Variants in KCNN3 observed in about 807,000 individuals in gnomAD.
KCNN3 encodes small conductance calcium-activated potassium channel protein 3.
In KCNN3, 16 loss-of-function variants were observed where a neutral mutation model predicts 62.9. That is an observed-to-expected ratio of 0.25 (90% CI 0.17 to 0.39). KCNN3 has a LOEUF of 0.39. Among genes scored for constraint, KCNN3 ranks in the 10% least tolerant of loss-of-function variants. KCNN3 has a pLI of 1.00. For synonymous variants in KCNN3, 370 were observed against 389.2 expected, an observed-to-expected ratio of 0.95 and a Z score of 0.58; for missense variants, 599 against 949.4, an observed-to-expected ratio of 0.63 and a Z score of 4.85.
At chr1:154,751,377 G>A (rs1005944019) in intron 3 of KCNN3, among the ~76,000 whole-genome samples, 1 of 152,302 alleles carries the variant, frequency 6.6e-6, no homozygotes, top group African/African-American at 2.4e-5. Context: ...CAAAAGCCAG[G>A]TGTCTTTCCA....
chr1:154,837,591 A>G (rs984631416), intron 1 of KCNN3, among the ~76,000 whole-genome samples: 6 of 152,028 alleles, frequency 3.9e-5, no homozygotes, highest in Non-Finnish European at 7.4e-5. Context: ...ATGGGGGAAA[A>G]CCTGGCTTTC....
intron 1 of KCNN3, among the ~76,000 whole-genome samples, chr1:154,848,514 CA>C (rs35282563): frequency 6.6e-6 from 1 of 152,252 alleles, no homozygotes; most frequent in South Asian, 2.1e-4. Context: ...TGCCTTTAGA[CA>C]AAAGTGCAAA....
At chr1:154,735,569 C>T (rs1700696182) in intron 3 of KCNN3, among the ~76,000 whole-genome samples, 1 of 152,156 alleles carries the variant, frequency 6.6e-6, no homozygotes, top group African/African-American at 2.4e-5. Context: ...GCTGGGCCTG[C>T]CTTTGCTCCC....
At chr1:154,823,028 T>C (rs2101895336) in intron 1 of KCNN3, among the ~76,000 whole-genome samples, 1 of 152,314 alleles carries the variant, frequency 6.6e-6, no homozygotes, top group Non-Finnish European at 1.5e-5. Flanking sequence ...CTGTGTCAGA[T>C]GGAGATAATA....
Position 154,869,207 on chromosome 1 carries a change from G to C in KCNN3, c.758C>G (p.Thr253Ser). The stretch of plus-strand genomic sequence containing the variant: ...CCGCTTGTTGGCTTTGGGGAAGGTG[G>C]TGCTGCTGGCGGTGGTGCCGGCATG... ...HQHAGTTASS[T>S]TFPKANKRKN... The change falls in exon 1 of 8, where the codon ACC becomes AGC. Residue 253 changes from threonine to serine, a missense_variant. Thr to Ser is a moderately conservative substitution (Grantham distance 58). Transcript: ENST00000271915. This position sits in a 1 kb window ranked among gnomAD's most constrained non-coding sequence, Gnocchi z 6.1. The C allele has an allele frequency of 6.2e-7, 1 of 1,614,152 alleles. No individual in the cohort carries two copies.
rs985002167 is a variant in KCNN3, at chr1:154,862,728, G to A, written c.933+6304C>T. 6.6e-6 allele frequency among the ~76,000 whole-genome samples: 1 copy of A among 151,974 alleles called. No individual in the cohort carries two copies. ...ACCTGGGGTGCCCACACTTGCCCTG[G>A]CCACCCCTCCAGCACTGTCTTCTCC... is the stretch of plus-strand genomic sequence containing the variant. On this transcript the variant is annotated intron_variant, in intron 1 of 7. Coordinates refer to ENST00000271915, the MANE Select transcript of KCNN3 (RefSeq NM_002249.6). The surrounding 1 kb of genome is among the most constrained non-coding windows in gnomAD (Gnocchi z 4.1).
intron 3 of KCNN3, among the ~76,000 whole-genome samples, chr1:154,743,431 G>A (rs1448912453): frequency 6.6e-6 from 1 of 152,140 alleles, no homozygotes; most frequent in Non-Finnish European, 1.5e-5. Context: ...CAACCTGGGG[G>A]CCTCTCTGAG....
intron 2 of KCNN3, among the ~76,000 whole-genome samples, chr1:154,798,249 G>A (rs1557981639): frequency 6.6e-6 from 1 of 152,270 alleles, no homozygotes; most frequent in East Asian, 1.9e-4. Context: ...CAGGAAGAAA[G>A]GAAGGACAGA....
intron 7 of KCNN3, among the ~76,000 whole-genome samples, chr1:154,710,192 T>C (rs1007505864): frequency 6.6e-6 from 1 of 152,302 alleles, no homozygotes; most frequent in African/African-American, 2.4e-5. Flanking sequence ...TGCCATATTC[T>C]TAATTTAGAG....
chr1:154,807,469 G>A (rs903612483), intron 2 of KCNN3, among the ~76,000 whole-genome samples: 5 of 152,146 alleles, frequency 3.3e-5, no homozygotes, highest in Admixed American at 6.5e-5. Flanking sequence ...CTGCTGCTGC[G>A]GGTGACAGCC....
chr1:154,761,152 T>TA (rs11455309), intron 3 of KCNN3, among the ~76,000 whole-genome samples: 125,565 of 152,178 alleles, frequency 0.83, 52,215 homozygotes, highest in Middle Eastern at 0.91. Flanking sequence ...TAAAAAGTAA[T>TA]AAAAAATCAC....
intron 1 of KCNN3, among the ~76,000 whole-genome samples, chr1:154,848,971 G>A (rs76073862): frequency 0.042 from 6,454 of 152,216 alleles, 476 homozygotes; most frequent in African/African-American, 0.15. Flanking sequence ...AAAGTTTGCC[G>A]AGTAGAATGT....
At position 154,804,851 on chromosome 1, in the gene KCNN3, C is replaced by T. The variant is rs6685549; in HGVS notation, c.1029+17238G>A. On this transcript the variant is annotated intron_variant, in intron 2 of 7. Coordinates refer to ENST00000271915, the MANE Select transcript of KCNN3 (RefSeq NM_002249.6). ...AGCTCAGTCAGGAACTGGCAGGGTT[C>T]GGCTTTGCACCCAGGCAGTCTGGCT... is the stretch of plus-strand genomic sequence containing the variant. Among the ~76,000 whole-genome samples the T allele has an allele frequency of 5.3e-3, 802 of 152,260 alleles. 6 individuals are homozygous for T. Among genetic ancestry groups the T allele is most frequent in the African/African-American group, 0.018 (755 of 41,554 alleles).
intron 7 of KCNN3, among the ~76,000 whole-genome samples, chr1:154,710,658 T>G (rs1006177656): frequency 2.0e-5 from 3 of 152,180 alleles, no homozygotes; most frequent in Non-Finnish European, 2.9e-5. Flanking sequence ...GCTTGAAAGT[T>G]TGGTTTGCCC....
intron 3 of KCNN3, among the ~76,000 whole-genome samples, chr1:154,751,800 C>G (rs1161531194): frequency 6.6e-6 from 1 of 152,134 alleles, no homozygotes; most frequent in Non-Finnish European, 1.5e-5. Context: ...TACACGTTGC[C>G]AGGCAACAAA....
intron 7 of KCNN3, among the ~76,000 whole-genome samples, chr1:154,708,756 C>T (rs1210358822): frequency 2.0e-5 from 3 of 152,100 alleles, no homozygotes; most frequent in Non-Finnish European, 4.4e-5. Flanking sequence ...CTCTCAATCT[C>T]GGTTGCCTTA....
chr1:154,821,968 G>A (rs113772185), intron 2 of KCNN3, 121 bp downstream of exon 2: 66 of 760,022 alleles, frequency 8.7e-5, no homozygotes, highest in African/African-American at 5.1e-4. Context: ...CTTGGGCACC[G>A]TCTTGTAAAA....
At chr1:154,842,651 C>G (rs1307468246) in intron 1 of KCNN3, among the ~76,000 whole-genome samples, 2 of 149,612 alleles carry the variant, frequency 1.3e-5, no homozygotes, top group African/African-American at 4.9e-5. Flanking sequence ...CCACCACCTC[C>G]TCTGTGAGCT....
At chr1:154,804,337 A>G (rs1014950763) in intron 2 of KCNN3, among the ~76,000 whole-genome samples, 3 of 152,272 alleles carry the variant, frequency 2.0e-5, no homozygotes, top group Admixed American at 1.3e-4. Context: ...GCAAATGCGG[A>G]TGGATGGCAG....
Sources: allele counts gnomAD v4.1 joint callset (sites outside exome capture counted in the v4.1 genomes callset), GRCh38; gene constraint gnomAD v4.1.1; non-coding constraint Gnocchi (gnomAD v3.1); transcripts MANE v1.5; gene names NCBI Gene and HGNC (gene_info 2026-07-23, HGNC 2026-07-21).